Variants in DIAPH2 observed in about 807,000 individuals in gnomAD.
DIAPH2 encodes protein diaphanous homolog 2.
A neutral mutation model predicts 92.7 loss-of-function variants in DIAPH2; 35 were observed. The ratio of observed to expected loss-of-function variants is 0.38; its 90% CI spans 0.29 to 0.50. DIAPH2 has a LOEUF of 0.50. Among genes scored for constraint, DIAPH2 ranks in the 20% least tolerant of loss-of-function variants. The probability of loss-of-function intolerance (pLI) is 0.94; values close to 1 mark genes in which losing one functional copy is unlikely to be tolerated. For missense variants in DIAPH2, 701 were observed against 819.5 expected (o/e 0.86, Z 1.77); for synonymous variants, 301 against 280.4 (o/e 1.07, Z -0.73).
chrX:96,687,444 CTT>C (rs761658197), intron 1 of DIAPH2, among the ~76,000 whole-genome samples: 2 of 101,274 alleles, frequency 2.0e-5, no homozygotes, highest in African/African-American at 3.6e-5. Context: ...ATTTTCTTTT[CTT>C]TTTTTTTTTT....
chrX:97,191,327 AAAAAAAAAAAG>A (rs1190780525), intron 22 of DIAPH2, among the ~76,000 whole-genome samples: 5 of 100,295 alleles, frequency 5.0e-5, no homozygotes, highest in East Asian at 3.0e-4. Context: ...AAACTCTCTC[AAAAAAAAAAAG>A]AAAAAAAAAA....
In DIAPH2 at chrX:97,570,075, AATATATATATATAT is replaced by A. The variant is rs1164491863; in HGVS notation, c.3242-29143_3242-29130del. Among the ~76,000 whole-genome samples, 10 of 12,098 alleles carry A rather than the reference AATATATATATATAT, an allele frequency of 8.3e-4. 1 individual carries two copies. In the East Asian group the frequency reaches 0.016, roughly 19 times the overall value. 10.5% of individuals were successfully genotyped at this position (12,098 alleles called of 115,157 possible). On this transcript the variant is annotated intron_variant, in intron 26 of 26. Coordinates refer to ENST00000324765, the MANE Select transcript of DIAPH2 (RefSeq NM_006729.5). ...ATTATACAAGTTCATAAGGCCTTCTAATATATATATATATATATATATATATATATATATATATA... is the reference window on the plus strand; with the variant it reads ...ATTATACAAGTTCATAAGGCCTTCTAATATATATATATATATATATATATA...
chrX:97,508,278 AT>A (rs1223367569), intron 26 of DIAPH2, among the ~76,000 whole-genome samples: 1 of 112,107 alleles, frequency 8.9e-6, no homozygotes. Flanking sequence ...CTACACTGCT[AT>A]TAGTCTAAAT....
At chrX:97,459,629 G>A (rs1249469804) in intron 26 of DIAPH2, among the ~76,000 whole-genome samples, 1 of 111,928 alleles carries the variant, frequency 8.9e-6, no homozygotes, top group African/African-American at 3.2e-5. Flanking sequence ...GGCATGATGG[G>A]TTATGTATAT....
chrX:97,100,872 A>C (rs145362463), intron 20 of DIAPH2, among the ~76,000 whole-genome samples: 1,927 of 111,852 alleles, frequency 0.017, 17 homozygotes, highest in Non-Finnish European at 0.028. Flanking sequence ...ATGCTCACCC[A>C]TATTTAGAGT....
chrX:97,351,856 A>G (rs907642413), intron 24 of DIAPH2, among the ~76,000 whole-genome samples: 2 of 110,910 alleles, frequency 1.8e-5, no homozygotes, highest in Non-Finnish European at 3.8e-5. Context: ...TGAAAAATCC[A>G]TAGGCGTTTG....
At chrX:96,897,229 T>C (rs1354605507) in intron 5 of DIAPH2, among the ~76,000 whole-genome samples, 2 of 111,359 alleles carry the variant, frequency 1.8e-5, no homozygotes, top group African/African-American at 6.5e-5. Flanking sequence ...GTTACATGGA[T>C]GAGTTCTATA....
chrX:97,301,164 A>G (rs760926074), intron 23 of DIAPH2, among the ~76,000 whole-genome samples: 42 of 105,851 alleles, frequency 4.0e-4, no homozygotes, highest in African/African-American at 1.3e-3. Context: ...AAAAAAAAAA[A>G]AAAAAAAGAA....
chrX:96,806,865 C>T (rs1379546937), intron 4 of DIAPH2, among the ~76,000 whole-genome samples: 2 of 107,052 alleles, frequency 1.9e-5, no homozygotes, highest in Non-Finnish European at 3.9e-5. Flanking sequence ...CTCGGCCTCC[C>T]GAGTAGCTGG....
chrX:97,507,600 T>C (rs1171288560), intron 26 of DIAPH2, among the ~76,000 whole-genome samples: 1 of 112,007 alleles, frequency 8.9e-6, no homozygotes, highest in Non-Finnish European at 1.9e-5. Context: ...TAAGAGATCA[T>C]TTTGTATACG....
At position 97,453,289 on chromosome X, in the gene DIAPH2, ATT is replaced by A. The variant is rs200543545; in HGVS notation, c.3241+23546_3241+23547del. 1.6e-4 allele frequency among the ~76,000 whole-genome samples: 18 copies of A among 110,578 alleles called. No individual in the cohort carries two copies. The East Asian group carries it at 2.6e-3, about 16-fold the overall frequency. On this transcript the variant is annotated intron_variant, in intron 26 of 26. Transcript: ENST00000324765. The stretch of plus-strand genomic sequence containing the variant: ...ATCCATCCCTTAAATTAGAAATTGA[ATT>A]TGTTTCTTTTTTTTTGCTACCATAA...
intron 17 of DIAPH2, among the ~76,000 whole-genome samples, chrX:96,996,331 G>T (rs1266786569): frequency 8.9e-6 from 1 of 112,131 alleles, no homozygotes; most frequent in Non-Finnish European, 1.9e-5. Context: ...AGTTATGTTA[G>T]TAATTTTACA....
intron 17 of DIAPH2, among the ~76,000 whole-genome samples, chrX:96,971,972 C>T (rs1181003201): frequency 8.9e-6 from 1 of 111,909 alleles, no homozygotes; most frequent in Middle Eastern, 4.2e-3. Context: ...TTGATTCATA[C>T]TGTGGTCAAT....
intron 24 of DIAPH2, among the ~76,000 whole-genome samples, chrX:97,382,888 AG>A (rs1284061998): frequency 8.9e-6 from 1 of 112,522 alleles, no homozygotes; most frequent in South Asian, 3.7e-4. Flanking sequence ...CTCGTTATTG[AG>A]TCTTTTTCTT....
chrX:97,579,461 A>C (rs1400975179), intron 26 of DIAPH2, among the ~76,000 whole-genome samples: 1 of 111,358 alleles, frequency 9.0e-6, no homozygotes, highest in East Asian at 2.8e-4. Flanking sequence ...CAGGTTTGTC[A>C]AAGATCAGAT....
At chrX:96,814,596 G>GAGA (rs1314860421) in intron 4 of DIAPH2, among the ~76,000 whole-genome samples, 4 of 112,078 alleles carry the variant, frequency 3.6e-5, no homozygotes, top group African/African-American at 1.3e-4. Flanking sequence ...TTCCTTGCAG[G>GAGA]AGAAGAAGCG....
chrX:97,171,921 C>T (rs1030066360), intron 22 of DIAPH2, among the ~76,000 whole-genome samples: 5 of 106,626 alleles, frequency 4.7e-5, no homozygotes, highest in African/African-American at 1.7e-4. Flanking sequence ...GCCCGGGCAA[C>T]AGAGCAAGAC....
chrX:96,885,054 C>A (rs2065250504), intron 5 of DIAPH2: 2 of 1,210,757 alleles, frequency 1.7e-6, no homozygotes, highest in East Asian at 5.9e-5. Flanking sequence ...AGGGCCACAT[C>A]TATCCCACTG....
chrX:97,476,150 A>G (rs1421922056), intron 26 of DIAPH2, among the ~76,000 whole-genome samples: 1 of 112,356 alleles, frequency 8.9e-6, no homozygotes, highest in Non-Finnish European at 1.9e-5. Context: ...GTCACATCAC[A>G]GTAACATAAA....
Sources: allele counts gnomAD v4.1 joint callset (sites outside exome capture counted in the v4.1 genomes callset), GRCh38; gene constraint gnomAD v4.1.1; transcripts MANE v1.5; gene names NCBI Gene and HGNC (gene_info 2026-07-23, HGNC 2026-07-21).